Variants in ZNF517 observed in about 807,000 individuals in gnomAD.
ZNF517 encodes the protein zinc finger protein 517.
Under a neutral mutation model 12.1 loss-of-function variants are expected in ZNF517, and 12 were observed. The ratio of observed to expected loss-of-function variants is 0.99; its 90% CI spans 0.63 to 1.61. The LOEUF (loss-of-function observed/expected upper bound fraction) is 1.61. Ranked by LOEUF, ZNF517 falls within the 40% of genes most tolerant of loss-of-function variation. ZNF517 has a pLI of 0.00. For missense variants in ZNF517, 781 were observed against 693.2 expected (o/e 1.13, Z -1.42); for synonymous variants, 388 against 310.2 (o/e 1.25, Z -2.63).
chr8:144,807,526 C>T lies in ZNF517; in HGVS notation c.610C>T (p.Pro204Ser), dbSNP rs1429236510. 1.3e-6 allele frequency: 2 copies of T among 1,595,192 alleles called. No individual in the cohort carries two copies. Among genetic ancestry groups the T allele is most frequent in the Non-Finnish European group, 8.5e-7 (1 of 1,171,320 alleles). The change falls in exon 5 of 5, where the codon CCC becomes TCC. Residue 204 changes from proline (P) to serine (S), a missense_variant. Coordinates refer to ENST00000359971, the MANE Select transcript of ZNF517 (RefSeq NM_213605.3). ...CCAGATCATCCACACCGGCGCCAAG[C>T]CCTTCCAGTGCACAGAGTGCGGGAA... The part of the protein sequence containing the change: ...RHQIIHTGAK[P>S]FQCTECGKAF...
rs570616974 is a variant in ZNF517, at chr8:144,801,492, C to T, written c.-45-1378C>T. Among the ~76,000 whole-genome samples the T allele has an allele frequency of 5.3e-4, 80 of 151,698 alleles. 2 individuals carry two copies. The South Asian group carries it at 0.011, about 21-fold the overall frequency. On this transcript the variant is annotated intron_variant, in intron 1 of 4. Transcript: ENST00000359971. The stretch of plus-strand genomic sequence containing the variant: ...TGCACTCCCGCCTGGGCAACAAGAG[C>T]GAGTTGTCGGAGTCTCACTCTGTCA...
chr8:144,799,799 G>A (rs1826861580), intron 1 of ZNF517, among the ~76,000 whole-genome samples: 1 of 150,906 alleles, frequency 6.6e-6, no homozygotes, highest in South Asian at 2.1e-4. Context: ...AATTAGCCGG[G>A]CGTGGTGGCG....
downstream of ZNF517, among the ~76,000 whole-genome samples, chr8:144,811,751 C>A (rs1220801679): frequency 6.3e-5 from 6 of 95,972 alleles, no homozygotes; most frequent in African/African-American, 1.3e-4. Flanking sequence ...ACGGACAGTA[C>A]GCTCAGCCAG....
Position 144,807,788 on chromosome 8 carries a change from G to A in ZNF517, c.872G>A (p.Cys291Tyr). ...KFHTGEKPFA[C>Y]TECGKAFCRR... ...CACACCGGGGAGAAGCCCTTCGCGTGCACAGAGTGCGGCAAGGCGTTCTGC... is the reference window on the plus strand; with the variant it reads ...CACACCGGGGAGAAGCCCTTCGCGTACACAGAGTGCGGCAAGGCGTTCTGC... Residue 291 changes from cysteine to tyrosine, a missense_variant, in exon 5 of 5, where the codon TGC becomes TAC. Cys to Tyr is a radical substitution (Grantham distance 194). Transcript: ENST00000359971. The A allele has an allele frequency of 1.9e-6, 3 of 1,612,096 alleles. No individual in the cohort carries two copies. The highest frequency in any genetic ancestry group is 2.2e-5 in the South Asian group (2 of 91,052).
chr8:144,807,166 T>C (rs1563809429), intron 4 of ZNF517, 25 bp from the exon 5 acceptor site: 4 of 1,513,094 alleles, frequency 2.6e-6, no homozygotes, highest in Non-Finnish European at 3.5e-6. Context: ...TGGATCATCC[T>C]TCCGTTTTCT....
intron 2 of ZNF517, chr8:144,803,430 G>C: frequency 1.7e-6 from 1 of 598,746 alleles, no homozygotes; most frequent in East Asian, 3.0e-5. Context: ...CCTCCCCCAA[G>C]TTCAGTTTTT....
chr8:144,807,195 C>T lies in ZNF517; in HGVS notation c.279C>T (p.Ser93=). The part of the protein sequence containing the change: ...SVAKASLCTD[S]RMEAGIMESP... ...GTTTTCTGTTCCTTCTCTCAGATTCCAGGATGGAGGCTGGGATCATGGAGT... is the reference window on the plus strand; with the variant it reads ...GTTTTCTGTTCCTTCTCTCAGATTCTAGGATGGAGGCTGGGATCATGGAGT... The change falls in exon 5 of 5, where the codon TCC becomes TCT. Residue 93 remains serine, a synonymous_variant. Coordinates refer to ENST00000359971, the MANE Select transcript of ZNF517 (RefSeq NM_213605.3). 6.6e-7 allele frequency: 1 copy of T among 1,521,184 alleles called. No individual in the cohort carries two copies. Among genetic ancestry groups the T allele is most frequent in the Non-Finnish European group, 8.8e-7 (1 of 1,136,400 alleles). 94.2% of individuals were successfully genotyped at this position (1,521,184 alleles called of 1,614,324 possible). A position where few individuals can be genotyped will look rare whatever the true frequency, so the allele number is the denominator to read the frequency against.
chr8:144,807,156 T>A, intron 4 of ZNF517, 35 bp from the exon 5 acceptor site: 1 of 1,511,930 alleles, frequency 6.6e-7, no homozygotes, highest in South Asian at 1.3e-5. Context: ...GTGTAGAGGC[T>A]GGATCATCCT....
chr8:144,806,023 T>G (rs1210444697), intron 4 of ZNF517, among the ~76,000 whole-genome samples: 4 of 152,138 alleles, frequency 2.6e-5, no homozygotes, highest in African/African-American at 9.6e-5. Flanking sequence ...AGTATAACTA[T>G]TCTTATTTTA....
At position 144,808,344 on chromosome 8, in the gene ZNF517, C is replaced by T. The variant is rs1827399241; in HGVS notation, c.1428C>T (p.Arg476=). The T allele has an allele frequency of 2.0e-6, 3 of 1,481,388 alleles. No homozygotes were observed. Among genetic ancestry groups the T allele is most frequent in the African/African-American group, 1.4e-5 (1 of 70,566 alleles). 91.8% of individuals were successfully genotyped at this position (1,481,388 alleles called of 1,614,324 possible). ...TCCAGCACCAGAAGGTGCACGGCCGCGAGCCCGGGGAGGACACAGAGGGCA... is the reference window on the plus strand; with the variant it reads ...TCCAGCACCAGAAGGTGCACGGCCGTGAGCCCGGGGAGGACACAGAGGGCA... ...TLIQHQKVHG[R]EPGEDTEGRR... is the part of the protein sequence containing the mutation. The change falls in exon 5 of 5, where the codon CGC becomes CGT. Residue 476 remains arginine, a synonymous_variant. Transcript: ENST00000359971.
In ZNF517 at chr8:144,807,102, G is replaced by A. The variant is rs888392761; in HGVS notation, c.275-89G>A. The A allele has an allele frequency of 9.1e-5, 133 of 1,467,806 alleles. No homozygotes were observed. In the Middle Eastern group the frequency reaches 1.3e-3, roughly 14 times the overall value. 90.9% of individuals were successfully genotyped at this position (1,467,806 alleles called of 1,614,324 possible). ...AAAGCTGGGTGTTGGGGGAAGACTT[G>A]GGAATAAAAAGGTTATGTCTTCAAA... On this transcript the variant is annotated intron_variant, in intron 4 of 4. Coordinates refer to ENST00000359971, the MANE Select transcript of ZNF517 (RefSeq NM_213605.3).
intron 1 of ZNF517, among the ~76,000 whole-genome samples, chr8:144,802,308 C>T (rs1827005508): frequency 6.6e-6 from 1 of 152,128 alleles, no homozygotes; most frequent in South Asian, 2.1e-4. Flanking sequence ...GCCCAGGAGG[C>T]AGAGGTTGCA....
intron 1 of ZNF517, among the ~76,000 whole-genome samples, chr8:144,800,203 A>G (rs1412139042): frequency 1.3e-5 from 2 of 151,930 alleles, no homozygotes; most frequent in African/African-American, 4.8e-5. Flanking sequence ...CTTCATCTAA[A>G]ATTAGCACCC....
intron 3 of ZNF517, 31 bp from the exon 4 acceptor site, chr8:144,804,094 G>A (rs1193722585): frequency 6.2e-7 from 1 of 1,606,120 alleles, no homozygotes; most frequent in East Asian, 2.2e-5. Context: ...CTCCTGTACT[G>A]ATACGTGCTG....
intron 4 of ZNF517, among the ~76,000 whole-genome samples, chr8:144,805,675 G>A (rs750338982): frequency 4.1e-5 from 6 of 145,080 alleles, no homozygotes; most frequent in South Asian, 2.2e-4. Context: ...GCCCAGGCTG[G>A]CGCGTTCTCG....
At chr8:144,803,405 T>A in intron 2 of ZNF517, 1 of 549,142 alleles carries the variant, frequency 1.8e-6, no homozygotes, top group Non-Finnish European at 3.2e-6. Flanking sequence ...ACCCCCTTCC[T>A]GGTAAATCTC....
chr8:144,807,517 G>T lies in ZNF517; in HGVS notation c.601G>T (p.Gly201Cys), dbSNP rs772832393. The T allele has an allele frequency of 6.3e-7, 1 of 1,593,358 alleles. No homozygotes were observed. Among genetic ancestry groups the T allele is most frequent in the Non-Finnish European group, 8.5e-7 (1 of 1,170,446 alleles). ...LLLRHQIIHT[G>C]AKPFQCTECG... ...TCTCAGGCACCAGATCATCCACACC[G>T]GCGCCAAGCCCTTCCAGTGCACAGA... The change falls in exon 5 of 5, where the codon GGC (glycine) becomes TGC (cysteine). Residue 201 changes from glycine (G) to cysteine (C), a missense_variant. By Grantham distance (159) the Gly-to-Cys change is radical (BLOSUM62 -3). Coordinates refer to ENST00000359971, the MANE Select transcript of ZNF517 (RefSeq NM_213605.3).
chr8:144,808,757 C>G lies in ZNF517; in HGVS notation c.*362C>G. The G allele has an allele frequency of 5.3e-6, 1 of 187,852 alleles. No homozygotes were observed. Among genetic ancestry groups the G allele is most frequent in the Non-Finnish European group, 1.1e-5 (1 of 92,142 alleles). The allele number at this position is 187,852 out of a possible 1,614,324, so 11.6% of individuals were successfully genotyped here. On this transcript the variant is annotated 3_prime_UTR_variant, in exon 5 of 5. Coordinates refer to ENST00000359971, the MANE Select transcript of ZNF517 (RefSeq NM_213605.3). Reference sequence around the variant, plus strand: ...GAGCTCCCCACAGGCCGGCCCGGGTCTTCGTGCAGAACCATTGGGCACAGC... The same window carrying G: ...GAGCTCCCCACAGGCCGGCCCGGGTGTTCGTGCAGAACCATTGGGCACAGC...
rs115958181 is a variant in ZNF517 at position 144,808,474 on chromosome 8, C to G, written c.*79C>G. Reference sequence around the variant, plus strand: ...GGCCCTAGCGCAGAAATTCAGAACCCCCTGTCCTGAAGGTGAAGCAAAGTC... The same window carrying G: ...GGCCCTAGCGCAGAAATTCAGAACCGCCTGTCCTGAAGGTGAAGCAAAGTC... On this transcript the variant is annotated 3_prime_UTR_variant, in exon 5 of 5. Coordinates refer to ENST00000359971, the MANE Select transcript of ZNF517 (RefSeq NM_213605.3). 1.4e-6 allele frequency: 2 copies of G among 1,402,914 alleles called. No individual in the cohort carries two copies. The highest frequency in any genetic ancestry group is 1.7e-5 in the South Asian group (1 of 59,162). The allele number at this position is 1,402,914 out of a possible 1,614,324, so 86.9% of individuals were successfully genotyped here. A position where few individuals can be genotyped will look rare whatever the true frequency, so the allele number is the denominator to read the frequency against.
Sources: gnomAD v4.1 joint callset for allele counts (sites outside exome capture counted in the v4.1 genomes callset) on GRCh38, gnomAD v4.1.1 for gene constraint, MANE v1.5 for transcripts, NCBI Gene and HGNC (gene_info 2026-07-23, HGNC 2026-07-21) for gene names.